The following SPTAN1 variants were observed in gnomAD, a reference collection of about 807,000 sequenced individuals.
SPTAN1 encodes spectrin alpha, non-erythrocytic 1, also known as spectrin alpha chain, non-erythrocytic 1.
A neutral mutation model predicts 331.3 loss-of-function variants in SPTAN1; 61 were observed. The observed-to-expected ratio is 0.18, with a 90% CI of 0.15 to 0.23. SPTAN1 has a LOEUF of 0.23. Ranked by LOEUF, SPTAN1 falls within the 10% of genes least tolerant of loss-of-function variation. The pLI, the probability that SPTAN1 is intolerant of heterozygous loss-of-function variation, is 1.00. For missense variants in SPTAN1, 2,043 were observed against 3,147.9 expected (o/e 0.65, Z 8.40); for synonymous variants, 1,153 against 1,173.9 (o/e 0.98, Z 0.36).
At position 128,633,421 on chromosome 9, in the gene SPTAN1, T is replaced by C; in HGVS notation, c.*87T>C. 1.3e-6 allele frequency: 2 copies of C among 1,598,496 alleles called. No individual in the cohort carries two copies. The highest frequency in any genetic ancestry group is 1.7e-4 in the Middle Eastern group (1 of 5,926). ...TCCTCTGTGTGCTCTCACTTTCCAC[T>C]GTAACCTTAAGCCTGCTTAGCTTGG... On this transcript the variant is annotated 3_prime_UTR_variant, in exon 57 of 57. Transcript: ENST00000372739.
chr9:128,574,617 A>T (rs1851095948), intron 3 of SPTAN1, 58 bp from the exon 4 acceptor site: 2 of 1,607,114 alleles, frequency 1.2e-6, no homozygotes, highest in Admixed American at 1.7e-5. Flanking sequence ...TCTATGGAAG[A>T]GCCAGATCCC....
Position 128,577,486 on chromosome 9 carries a change from A to G in SPTAN1, c.1065A>G (p.Ala355=), listed in dbSNP as rs1442643202. ...QIRTLAAERH[A]RLNDSYRLQR... ...GCACCTTGGCGGCAGAGAGACATGC[A>G]CGGCTCAATGATTCATACAGGTGCA... The change falls in exon 8 of 57, where the codon GCA becomes GCG. Residue 355 remains alanine, a synonymous_variant. Coordinates refer to ENST00000372739, the MANE Select transcript of SPTAN1 (RefSeq NM_001130438.3). The surrounding 1 kb of genome is among the most constrained non-coding windows in gnomAD (Gnocchi z 4.2). The G allele has an allele frequency of 3.7e-6, 6 of 1,614,054 alleles. No homozygotes were observed. The highest frequency in any genetic ancestry group is 4.2e-6 in the Non-Finnish European group (5 of 1,180,050).
rs1857201344 is a variant in SPTAN1, at chr9:128,616,649, C to T, written c.5357+809C>T. On this transcript the variant is annotated intron_variant, in intron 41 of 56. Coordinates refer to ENST00000372739, the MANE Select transcript of SPTAN1 (RefSeq NM_001130438.3). ...AGGTGTGGTAGCAGGCGCCTGTGGT[C>T]CCAGCTGCTTGTGAGGCTGAGGCAG... 2.0e-5 allele frequency among the ~76,000 whole-genome samples: 3 copies of T among 151,670 alleles called. No individual in the cohort carries two copies. In the South Asian group the frequency reaches 6.3e-4, roughly 32 times the overall value.
Position 128,584,507 on chromosome 9 carries a change from G to A in SPTAN1, c.2419G>A (p.Ala807Thr). Residue 807 changes from alanine (A) to threonine (T), a missense_variant, in exon 17 of 57, where the codon GCC becomes ACC. Around this residue, in one of 12 missense-constraint regions of SPTAN1, gnomAD observed 1,038 missense variants for 1,531.5 expected, o/e 0.68. Coordinates refer to ENST00000372739, the MANE Select transcript of SPTAN1 (RefSeq NM_001130438.3). ...GTGGATTCGAGAGAAAGAGCCCATT[G>A]CCGCATCTACCAACAGAGGTCAGTC... Reference protein sequence around the residue: ...ETWIREKEPIAASTNRGKDLI... With the variant: ...ETWIREKEPITASTNRGKDLI... 1 of 1,614,172 alleles carries A rather than the reference G, an allele frequency of 6.2e-7. No homozygotes were observed. The highest frequency in any genetic ancestry group is 2.2e-5 in the East Asian group (1 of 44,888).
chr9:128,622,437 T>G (rs1181842215), intron 45 of SPTAN1, among the ~76,000 whole-genome samples: 1 of 151,898 alleles, frequency 6.6e-6, no homozygotes, highest in Non-Finnish European at 1.5e-5. Flanking sequence ...GTAGCTGGGA[T>G]TACAGGCATG....
intron 1 of SPTAN1, among the ~76,000 whole-genome samples, chr9:128,554,659 C>T (rs553327813): frequency 1.3e-5 from 2 of 152,338 alleles, no homozygotes; most frequent in South Asian, 4.1e-4. Context: ...ACTAGTTACG[C>T]ACTCATCTGT....
At chr9:128,613,967 G>A (rs561184891) in intron 40 of SPTAN1, among the ~76,000 whole-genome samples, 2 of 150,866 alleles carry the variant, frequency 1.3e-5, no homozygotes, top group African/African-American at 2.4e-5. Flanking sequence ...ATCGCGCCAC[G>A]GCACTCCAGC....
rs576102049 is a variant in SPTAN1, at chr9:128,633,620, C to G, written c.*286C>G. ...TTCTCTCTCCCACCCTCCCCCAAAT[C>G]TGTTTTCATGTAAAAGACAAATAAA... On this transcript the variant is annotated 3_prime_UTR_variant, in exon 57 of 57. Coordinates refer to ENST00000372739, the MANE Select transcript of SPTAN1 (RefSeq NM_001130438.3). 1.6e-6 allele frequency: 2 copies of G among 1,263,770 alleles called. No individual in the cohort carries two copies. Among genetic ancestry groups the G allele is most frequent in the Non-Finnish European group, 2.2e-6 (2 of 909,270 alleles). 78.3% of individuals were successfully genotyped at this position (1,263,770 alleles called of 1,614,324 possible). A position where few individuals can be genotyped will look rare whatever the true frequency, so the allele number is the denominator to read the frequency against.
intron 52 of SPTAN1, 34 bp from the exon 53 acceptor site, chr9:128,632,093 C>T (rs1859844472): frequency 1.2e-6 from 2 of 1,607,024 alleles, no homozygotes; most frequent in South Asian, 1.1e-5. Flanking sequence ...GCTGAGGGCC[C>T]CCGTCTGAGC....
At chr9:128,556,563 C>A (rs944177687) in intron 1 of SPTAN1, among the ~76,000 whole-genome samples, 1 of 152,178 alleles carries the variant, frequency 6.6e-6, no homozygotes, top group Non-Finnish European at 1.5e-5. Flanking sequence ...GGGAAGCAAT[C>A]AGAAGTAAGT....
intron 40 of SPTAN1, among the ~76,000 whole-genome samples, chr9:128,614,547 G>A (rs968275091): frequency 6.6e-6 from 1 of 151,198 alleles, no homozygotes; most frequent in African/African-American, 2.4e-5. Flanking sequence ...CCGAGATTGT[G>A]TAACTGTATT....
rs1859027263 is a variant in SPTAN1 at position 128,627,972 on chromosome 9, T to C, written c.6707+30T>C. The C allele has an allele frequency of 6.2e-7, 1 of 1,613,956 alleles. No homozygotes were observed. The highest frequency in any genetic ancestry group is 1.3e-5 in the African/African-American group (1 of 74,910). On this transcript the variant is annotated intron_variant, in intron 51 of 56. Coordinates refer to ENST00000372739, the MANE Select transcript of SPTAN1 (RefSeq NM_001130438.3). This position sits in a 1 kb window ranked among gnomAD's most constrained non-coding sequence, Gnocchi z 4.9. Reference sequence around the variant, plus strand: ...ATATTGTTTTCTTCCTTCTCTGGGCTTGTCATGTGGGGGTCTCGTGCGCTT... The same window carrying C: ...ATATTGTTTTCTTCCTTCTCTGGGCCTGTCATGTGGGGGTCTCGTGCGCTT...
intron 26 of SPTAN1, chr9:128,599,863 AT>A: frequency 1.7e-6 from 1 of 596,430 alleles, no homozygotes; most frequent in East Asian, 2.8e-5. Flanking sequence ...GGATAAAAAA[AT>A]TGGAATTTTT....
intron 19 of SPTAN1, 35 bp from the exon 20 acceptor site, chr9:128,587,571 C>G (rs1037481073): frequency 6.3e-7 from 1 of 1,593,198 alleles, no homozygotes; most frequent in Admixed American, 1.7e-5. Context: ...GGCTTCAGCC[C>G]CTGCACAGTG....
chr9:128,623,317 C>G (rs1310086976), intron 45 of SPTAN1, among the ~76,000 whole-genome samples: 2 of 151,576 alleles, frequency 1.3e-5, no homozygotes, highest in Non-Finnish European at 2.9e-5. Flanking sequence ...TCAAGTGATT[C>G]TCTCGCCTTG....
rs1042290492 is a variant in SPTAN1 at position 128,627,330 on chromosome 9, G to A, written c.6577-56G>A. 40 of 1,463,710 alleles carry A rather than the reference G, an allele frequency of 2.7e-5. No individual in the cohort carries two copies. In the African/African-American group the frequency reaches 5.5e-4, roughly 20 times the overall value. The allele number at this position is 1,463,710 out of a possible 1,614,324, so 90.7% of individuals were successfully genotyped here. A position where few individuals can be genotyped will look rare whatever the true frequency, so the allele number is the denominator to read the frequency against. ...CCACCCTGAGCCCATCTGTGAAGGA[G>A]GGGCTGGTGTCACTGCCACAGCAGC... On this transcript the variant is annotated intron_variant, in intron 49 of 56. Transcript: ENST00000372739. The surrounding 1 kb of genome is among the most constrained non-coding windows in gnomAD (Gnocchi z 4.9).
In SPTAN1 at chr9:128,552,818, G is replaced by T. The variant is rs1003809677; in HGVS notation, c.-4+122G>T. 2.0e-5 allele frequency: 3 copies of T among 152,220 alleles called. No homozygotes were observed. Among genetic ancestry groups the T allele is most frequent in the African/African-American group, 7.2e-5 (3 of 41,430 alleles). The allele number at this position is 152,220 out of a possible 1,614,324, so 9.4% of individuals were successfully genotyped here. Reference sequence around the variant, plus strand: ...GGCGCGCGGACAGGTGAGCCGGGCGGGCCGCGGGGCTGCCTCCATTCGGCT... The same window carrying T: ...GGCGCGCGGACAGGTGAGCCGGGCGTGCCGCGGGGCTGCCTCCATTCGGCT... On this transcript the variant is annotated intron_variant, in intron 1 of 56. Coordinates refer to ENST00000372739, the MANE Select transcript of SPTAN1 (RefSeq NM_001130438.3). The surrounding 1 kb of genome is among the most constrained non-coding windows in gnomAD (Gnocchi z 4.6).
At chr9:128,630,243 C>G in intron 51 of SPTAN1, 78 bp from the exon 52 acceptor site, 1 of 1,519,644 alleles carries the variant, frequency 6.6e-7, no homozygotes, top group East Asian at 2.3e-5. Context: ...AGGCATTGCT[C>G]TCTCTGAGAG....
intron 28 of SPTAN1, among the ~76,000 whole-genome samples, chr9:128,603,997 C>T (rs911462455): frequency 1.3e-5 from 2 of 152,204 alleles, no homozygotes; most frequent in Non-Finnish European, 2.9e-5. Flanking sequence ...TGGGATTTCT[C>T]CACGCAGCTG....
Sources: allele counts gnomAD v4.1 joint callset (sites outside exome capture counted in the v4.1 genomes callset), GRCh38; gene constraint gnomAD v4.1.1; regional missense constraint gnomAD v4.1.1; non-coding constraint Gnocchi (gnomAD v3.1); transcripts MANE v1.5; gene names NCBI Gene and HGNC (gene_info 2026-07-23, HGNC 2026-07-21).